ST3GAL6: variants seen among roughly 807,000 people sequenced by gnomAD.
ST3GAL6 encodes ST3 beta-galactoside alpha-2,3-sialyltransferase 6, also known as type 2 lactosamine alpha-2,3-sialyltransferase.
In ST3GAL6, 31 loss-of-function variants were observed where a neutral mutation model predicts 40.5. That is an observed-to-expected ratio of 0.77 (90% CI 0.58 to 1.03). The LOEUF (loss-of-function observed/expected upper bound fraction) is 1.03, where lower values mean the gene tolerates loss of function less well. Among genes scored for constraint, ST3GAL6 ranks in the 50% least tolerant of loss-of-function variants. The pLI is 0.00. For missense variants in ST3GAL6, 357 were observed against 393.2 expected (o/e 0.91, Z 0.78); for synonymous variants, 129 against 136.9 (o/e 0.94, Z 0.40).
intron 1 of ST3GAL6, among the ~76,000 whole-genome samples, chr3:98,757,188 T>C (rs1366445123): frequency 2.6e-5 from 4 of 152,212 alleles, no homozygotes; most frequent in African/African-American, 4.8e-5. Flanking sequence ...AATGATTTAT[T>C]AAGGTTCATC....
upstream of ST3GAL6, among the ~76,000 whole-genome samples, chr3:98,759,987 CAAAA>C (rs1288978173): frequency 6.6e-6 from 1 of 152,026 alleles, no homozygotes; most frequent in African/African-American, 2.4e-5. Context: ...AAACAAAAAA[CAAAA>C]AACCCCACAA....
chr3:98,760,294 C>A (rs1439220996), upstream of ST3GAL6, among the ~76,000 whole-genome samples: 1 of 152,204 alleles, frequency 6.6e-6, no homozygotes, highest in Non-Finnish European at 1.5e-5. Flanking sequence ...ATCCACTTGA[C>A]TCAGTGGATC....
rs552012730 is a variant in ST3GAL6, at chr3:98,766,797, A to G, written c.-11-1633A>G. Among the ~76,000 whole-genome samples, 8 of 152,310 alleles carry G rather than the reference A, an allele frequency of 5.3e-5. No individual in the cohort carries two copies. The South Asian group carries it at 1.7e-3, about 32-fold the overall frequency. The stretch of plus-strand genomic sequence containing the variant: ...AAGATGTTCCTCACTATTTTGGCCC[A>G]TGGTAAACTGCCTTCCAGGACCATC... On this transcript the variant is annotated intron_variant, in intron 1 of 9. Transcript: ENST00000483910.
chr3:98,768,821 A>G (rs1938655494), intron 2 of ST3GAL6, among the ~76,000 whole-genome samples: 1 of 152,192 alleles, frequency 6.6e-6, no homozygotes, highest in Non-Finnish European at 1.5e-5. Context: ...CCTTGAGTTA[A>G]TGGCGTAATT....
At chr3:98,755,754 T>A (rs966188185) in intron 1 of ST3GAL6, among the ~76,000 whole-genome samples, 1 of 152,170 alleles carries the variant, frequency 6.6e-6, no homozygotes, top group Non-Finnish European at 1.5e-5. Context: ...TGTCTGTGTG[T>A]GTGTGTTAGT....
At chr3:98,738,286 T>C (rs576677254) in intron 1 of ST3GAL6, among the ~76,000 whole-genome samples, 36 of 152,148 alleles carry the variant, frequency 2.4e-4, no homozygotes, top group Non-Finnish European at 4.3e-4. Flanking sequence ...TTCTTTCTTT[T>C]TTTTTTGGAT....
chr3:98,785,144 G>GT, intron 6 of ST3GAL6, 104 bp downstream of exon 6: 11 of 785,596 alleles, frequency 1.4e-5, no homozygotes, highest in East Asian at 2.8e-5. Context: ...GTTTCCATTT[G>GT]GTTTTTTTTT....
rs1165962555 is a variant in ST3GAL6, at chr3:98,788,221, T to C, written c.617T>C (p.Ile206Thr). The change falls in exon 7 of 10, where the codon ATA becomes ACA. Residue 206 changes from isoleucine (I) to threonine (T), a missense_variant and splice_region_variant. By Grantham distance (89) the Ile-to-Thr change is moderately conservative (BLOSUM62 -1). Transcript: ENST00000483910. ...WLLELLMGDK[I>T]NTNGFWKKPA... Reference sequence around the variant, plus strand: ...TTGGAATTGTTGATGGGTGACAAAATAGTAAGTAGGCAAAATTGTTCTGCC... The same window carrying C: ...TTGGAATTGTTGATGGGTGACAAAACAGTAAGTAGGCAAAATTGTTCTGCC... The C allele has an allele frequency of 1.9e-6, 3 of 1,605,900 alleles. No homozygotes were observed. Among genetic ancestry groups the C allele is most frequent in the Non-Finnish European group, 2.6e-6 (3 of 1,175,762 alleles).
At chr3:98,734,961 T>C (rs1019072977) in intron 1 of ST3GAL6, among the ~76,000 whole-genome samples, 1 of 152,194 alleles carries the variant, frequency 6.6e-6, no homozygotes, top group Non-Finnish European at 1.5e-5. Context: ...CCATGCAGAC[T>C]GCCAGATGGC....
intron 1 of ST3GAL6, among the ~76,000 whole-genome samples, chr3:98,735,459 A>G (rs1935461037): frequency 6.6e-6 from 1 of 152,120 alleles, no homozygotes; most frequent in South Asian, 2.1e-4. Context: ...CCAGCCAGGA[A>G]CCTTCTATCT....
At chr3:98,737,223 A>AT (rs946157035) in intron 1 of ST3GAL6, among the ~76,000 whole-genome samples, 13 of 151,542 alleles carry the variant, frequency 8.6e-5, no homozygotes, top group Non-Finnish European at 1.8e-4. Flanking sequence ...TATTTTCTGT[A>AT]TTTTTTTTGT....
chr3:98,752,295 C>T (rs182185097), intron 1 of ST3GAL6, among the ~76,000 whole-genome samples: 22 of 152,188 alleles, frequency 1.4e-4, no homozygotes, highest in Admixed American at 1.1e-3. Context: ...ACCCTTTGTC[C>T]AATAAGCCTA....
At chr3:98,790,809 G>A (rs1941132589) in intron 8 of ST3GAL6, among the ~76,000 whole-genome samples, 1 of 152,040 alleles carries the variant, frequency 6.6e-6, no homozygotes, top group Admixed American at 6.6e-5. Context: ...CTTAAGATGT[G>A]AAGAAAGGAA....
At chr3:98,740,824 A>G (rs1477680219) in intron 1 of ST3GAL6, among the ~76,000 whole-genome samples, 2 of 152,188 alleles carry the variant, frequency 1.3e-5, no homozygotes, top group East Asian at 1.9e-4. Flanking sequence ...TTAGTTAAAA[A>G]TTGACTTTCC....
chr3:98,768,421 G>A lies in ST3GAL6; in HGVS notation c.-11-9G>A. On this transcript the variant is annotated splice_polypyrimidine_tract_variant and intron_variant, in intron 1 of 9. Coordinates refer to ENST00000483910, the MANE Select transcript of ST3GAL6 (RefSeq NM_001323368.2). ...GCCTTTGCTTTGGACTTCATTCCTT[G>A]TGTTTCAGGTGAGCCAGCCATGAGA... is the stretch of plus-strand genomic sequence containing the variant. 6.2e-7 allele frequency: 1 copy of A among 1,609,718 alleles called. No homozygotes were observed.
intron 5 of ST3GAL6, among the ~76,000 whole-genome samples, chr3:98,775,839 G>A (rs1184051145): frequency 1.3e-5 from 2 of 152,168 alleles, no homozygotes; most frequent in Non-Finnish European, 2.9e-5. Flanking sequence ...GAAGTAGAGT[G>A]TAGCTGGTGA....
rs774443511 is a variant in ST3GAL6, at chr3:98,788,463, G to A, written c.756G>A (p.Gln252=). The change falls in exon 8 of 10, where the codon CAG becomes CAA. Residue 252 remains glutamine, a splice_region_variant and synonymous_variant. Coordinates refer to ENST00000483910, the MANE Select transcript of ST3GAL6 (RefSeq NM_001323368.2). The stretch of plus-strand genomic sequence containing the variant: ...TTCCAAAAGTGTTTCCCAAAAATCA[G>A]GTATGTATTTATCTCTGCATGGTTT... ...LHFPKVFPKN[Q]KPKHPTTGII... 1 of 1,605,790 alleles carries A rather than the reference G, an allele frequency of 6.2e-7. No individual in the cohort carries two copies. Among genetic ancestry groups the A allele is most frequent in the Non-Finnish European group, 8.5e-7 (1 of 1,176,846 alleles).
chr3:98,766,589 T>C (rs548830778), intron 1 of ST3GAL6, among the ~76,000 whole-genome samples: 1 of 151,916 alleles, frequency 6.6e-6, no homozygotes, highest in Non-Finnish European at 1.5e-5. Context: ...CCCGGCTAAT[T>C]TTTTTGCATT....
chr3:98,792,061 A>G, intron 9 of ST3GAL6, 68 bp downstream of exon 9: 1 of 1,393,512 alleles, frequency 7.2e-7, no homozygotes, highest in East Asian at 2.6e-5. Context: ...GAAAGCCCAT[A>G]TTTTCTCTTC....
Sources: allele counts gnomAD v4.1 joint callset (sites outside exome capture counted in the v4.1 genomes callset), GRCh38; gene constraint gnomAD v4.1.1; transcripts MANE v1.5; gene names NCBI Gene and HGNC (gene_info 2026-07-23, HGNC 2026-07-21).